The following PFKM variants were observed in gnomAD, a reference collection of about 807,000 sequenced individuals.
PFKM encodes the protein phosphofructokinase, muscle, also known as ATP-dependent 6-phosphofructokinase, muscle type.
A neutral mutation model predicts 95.5 loss-of-function variants in PFKM; 58 were observed. The ratio of observed to expected loss-of-function variants is 0.61; its 90% CI spans 0.49 to 0.76. The LOEUF is 0.76. Ranked by LOEUF, PFKM falls within the 30% of genes least tolerant of loss-of-function variation. The pLI is 0.00. For missense variants in PFKM, 678 were observed against 1,005.4 expected, an observed-to-expected ratio of 0.67 and a Z score of 4.40; for synonymous variants, 336 against 357.2, an observed-to-expected ratio of 0.94 and a Z score of 0.67.
intron 6 of PFKM, 37 bp downstream of exon 6, chr12:48,133,517 G>T (rs1165872204): frequency 6.3e-7 from 1 of 1,588,268 alleles, no homozygotes. Context: ...GTAAGAAGAT[G>T]GCAGCTAGGA....
At chr12:48,120,485 T>C (rs1948144851) in intron 1 of PFKM, among the ~76,000 whole-genome samples, 1 of 152,186 alleles carries the variant, frequency 6.6e-6, no homozygotes, top group South Asian at 2.1e-4. Context: ...GTTCTCAGTC[T>C]AGTTAGGAAA....
chr12:48,130,863 T>G (rs1267532569), intron 3 of PFKM, among the ~76,000 whole-genome samples: 1 of 152,202 alleles, frequency 6.6e-6, no homozygotes, highest in Non-Finnish European at 1.5e-5. Flanking sequence ...TACCCTCTCA[T>G]GCTTCACCCA....
upstream of PFKM, chr12:48,105,424 G>T (rs1946445922): frequency 1.9e-6 from 1 of 518,952 alleles, no homozygotes; most frequent in South Asian, 1.4e-5. Context: ...AGCCAGGTAA[G>T]CAAATTGTGG....
At chr12:48,135,183 C>T in intron 9 of PFKM, 108 bp from the exon 10 acceptor site, 2 of 1,163,542 alleles carry the variant, frequency 1.7e-6, no homozygotes, top group Non-Finnish European at 2.6e-6. Flanking sequence ...CACAAAGAAC[C>T]ATTACAAGAC....
chr12:48,132,059 A>G (rs1310533649), intron 4 of PFKM: 4 of 455,922 alleles, frequency 8.8e-6, no homozygotes, highest in Non-Finnish European at 1.8e-5. Flanking sequence ...TTTAATATGC[A>G]GTGTCTAGTG....
rs78911623 is a variant in PFKM, at chr12:48,133,247, T to C, written c.428-68T>C. Reference sequence around the variant, plus strand: ...CTTTTGGCTAGAGTTTCTCTCTCTCTAGATATCTCCTCTTTAGGCATGCCA... The same window carrying C: ...CTTTTGGCTAGAGTTTCTCTCTCTCCAGATATCTCCTCTTTAGGCATGCCA... On this transcript the variant is annotated intron_variant, in intron 5 of 22. Transcript: ENST00000359794. The C allele has an allele frequency of 0.011, 15,746 of 1,417,204 alleles. 1,341 individuals carry two copies. The African/African-American group carries it at 0.19, about 17-fold the overall frequency. The allele number at this position is 1,417,204 out of a possible 1,614,324, so 87.8% of individuals were successfully genotyped here.
rs369893708 is a variant in PFKM, at chr12:48,145,078, C to T, written c.2040C>T (p.Gly680=). 180 of 1,614,110 alleles carry T rather than the reference C, an allele frequency of 1.1e-4. 1 individual carries two copies. The East Asian group carries it at 3.2e-3, about 29-fold the overall frequency. ...ATAGGAATTTTGCCACTAAGATGGGCGCCAAGGCTATGAACTGGATGTCTG... is the reference window on the plus strand; with the variant it reads ...ATAGGAATTTTGCCACTAAGATGGGTGCCAAGGCTATGAACTGGATGTCTG... ...PFDRNFATKM[G]AKAMNWMSGK... Residue 680 remains glycine, a synonymous_variant, in exon 21 of 23, where the codon GGC becomes GGT. Coordinates refer to ENST00000359794, the MANE Select transcript of PFKM (RefSeq NM_000289.6). The surrounding 1 kb of genome is among the most constrained non-coding windows in gnomAD (Gnocchi z 4.3).
chr12:48,144,014 A>G (rs764216515), intron 19 of PFKM, 32 bp from the exon 20 acceptor site: 1 of 1,467,838 alleles, frequency 6.8e-7, no homozygotes, highest in South Asian at 1.1e-5. Context: ...AGCCAACCAC[A>G]GAGTCACAGG....
chr12:48,135,191 G>A, intron 9 of PFKM, 100 bp from the exon 10 acceptor site: 1 of 1,202,230 alleles, frequency 8.3e-7, no homozygotes, highest in Non-Finnish European at 1.2e-6. Context: ...ACCATTACAA[G>A]ACAAGAGGCT....
intron 2 of PFKM, among the ~76,000 whole-genome samples, chr12:48,130,095 C>G (rs549050724): frequency 6.6e-6 from 1 of 152,192 alleles, no homozygotes; most frequent in African/African-American, 2.4e-5. Flanking sequence ...CCAGATGGTC[C>G]TATCAAGGAA....
chr12:48,115,522 A>T (rs1188528578), upstream of PFKM, among the ~76,000 whole-genome samples: 1 of 152,226 alleles, frequency 6.6e-6, no homozygotes, highest in Non-Finnish European at 1.5e-5. Flanking sequence ...TACATTGATC[A>T]GTTAAGGTGG....
At chr12:48,133,156 GA>G in intron 5 of PFKM, 99 bp downstream of exon 5, 9 of 1,350,720 alleles carry the variant, frequency 6.7e-6, no homozygotes, top group Non-Finnish European at 9.6e-6. Flanking sequence ...TCCCATTGGA[GA>G]AAAATGTTAC....
chr12:48,135,120 C>T, intron 9 of PFKM, 82 bp downstream of exon 9: 1 of 1,187,230 alleles, frequency 8.4e-7, no homozygotes. Flanking sequence ...CATTGCTTCT[C>T]CCCTTGGTCC....
chr12:48,109,216 G>A (rs759068354), intron 3 of PFKM, among the ~76,000 whole-genome samples: 2 of 152,166 alleles, frequency 1.3e-5, no homozygotes, highest in Non-Finnish European at 2.9e-5. Flanking sequence ...AGAAATGTAG[G>A]GTTCAAAATA....
chr12:48,127,155 T>G (rs1227131632), intron 2 of PFKM, among the ~76,000 whole-genome samples: 1 of 152,222 alleles, frequency 6.6e-6, no homozygotes. Context: ...TTCTTGAAAC[T>G]GTCCACTTTT....
At chr12:48,141,013 T>C in intron 14 of PFKM, 142 bp downstream of exon 14, 2 of 831,668 alleles carry the variant, frequency 2.4e-6, no homozygotes, top group South Asian at 3.2e-5. Context: ...AGATATTTAA[T>C]ACTAGGGCAG....
At chr12:48,124,699 A>G (rs1442537454) in intron 2 of PFKM, among the ~76,000 whole-genome samples, 1 of 152,230 alleles carries the variant, frequency 6.6e-6, no homozygotes, top group Non-Finnish European at 1.5e-5. Flanking sequence ...CCCAGCTGAT[A>G]GGCACAGTGT....
intron 2 of PFKM, chr12:48,107,550 G>A (rs1946797533): frequency 1.0e-5 from 8 of 763,292 alleles, no homozygotes; most frequent in Admixed American, 2.0e-5. Flanking sequence ...GTGTAAATAC[G>A]GATTTTAGGG....
intron 3 of PFKM, among the ~76,000 whole-genome samples, chr12:48,113,827 A>G (rs568601874): frequency 1.8e-4 from 28 of 152,230 alleles, no homozygotes; most frequent in Non-Finnish European, 3.8e-4. Flanking sequence ...GATTTTTCTA[A>G]TGTCAGGAGC....
Sources: gnomAD v4.1 joint callset for allele counts (sites outside exome capture counted in the v4.1 genomes callset) on GRCh38, gnomAD v4.1.1 for gene constraint, Gnocchi (gnomAD v3.1) non-coding constraint, MANE v1.5 for transcripts, NCBI Gene and HGNC (gene_info 2026-07-23, HGNC 2026-07-21) for gene names.